HMGCLL1: variants seen among roughly 807,000 people sequenced by gnomAD.
HMGCLL1 encodes the protein 3-hydroxymethyl-3-methylglutaryl-CoA lyase, cytoplasmic.
HMGCLL1 carries 36 observed loss-of-function variants against 39.1 expected under a neutral mutation model. The observed-to-expected ratio is 0.92, with a 90% CI of 0.71 to 1.22. The LOEUF is 1.22. Among genes scored for constraint, HMGCLL1 ranks in the 50% most tolerant of loss-of-function variants. The pLI, the probability that HMGCLL1 is intolerant of heterozygous loss-of-function variation, is 0.00. For missense variants in HMGCLL1, 451 were observed against 416.5 expected, an observed-to-expected ratio of 1.08 and a Z score of -0.72; for synonymous variants, 149 against 144.0, an observed-to-expected ratio of 1.03 and a Z score of -0.25.
At chr6:55,657,870 A>G in the HMGCLL1 span, among the ~76,000 whole-genome samples, 1 of 151,898 alleles carries the variant, frequency 6.6e-6, no homozygotes, top group Non-Finnish European at 1.5e-5. Context: ...GAACACATGG[A>G]CACATAGGGG....
chr6:55,631,181 T>A, the HMGCLL1 span, among the ~76,000 whole-genome samples: 1 of 152,154 alleles, frequency 6.6e-6, no homozygotes, highest in African/African-American at 2.4e-5. Flanking sequence ...GGTTATTATG[T>A]CTTTGAATAA....
the HMGCLL1 span, among the ~76,000 whole-genome samples, chr6:55,631,595 G>A: frequency 7.9e-5 from 12 of 152,078 alleles, no homozygotes; most frequent in Admixed American, 4.6e-4. Flanking sequence ...ATTAAGCCTC[G>A]TGATCCTAAA....
chr6:55,479,396 G>C (rs1765615021), intron 7 of HMGCLL1, among the ~76,000 whole-genome samples: 1 of 151,462 alleles, frequency 6.6e-6, no homozygotes, highest in Admixed American at 6.6e-5. Flanking sequence ...ATACTATGTG[G>C]TGGGATATAT....
At chr6:55,474,308 AT>A (rs1035363188) in intron 7 of HMGCLL1, among the ~76,000 whole-genome samples, 1 of 151,406 alleles carries the variant, frequency 6.6e-6, no homozygotes, top group African/African-American at 2.4e-5. Context: ...TCTGTTATGA[AT>A]TTTTTCATTA....
intron 7 of HMGCLL1, among the ~76,000 whole-genome samples, chr6:55,472,240 C>A (rs951260988): frequency 4.0e-5 from 6 of 151,622 alleles, no homozygotes; most frequent in African/African-American, 1.5e-4. Flanking sequence ...CTCCCAACAG[C>A]AATATGTGAG....
chr6:55,650,172 G>C, the HMGCLL1 span, among the ~76,000 whole-genome samples: 1 of 126,994 alleles, frequency 7.9e-6, no homozygotes, highest in Non-Finnish European at 1.6e-5. Flanking sequence ...TCTCCAGGAT[G>C]ATTCCTGGTG....
intron 5 of HMGCLL1, among the ~76,000 whole-genome samples, chr6:55,504,451 C>A (rs1767052201): frequency 6.6e-6 from 1 of 151,512 alleles, no homozygotes; most frequent in South Asian, 2.1e-4. Flanking sequence ...TTTATTTTCC[C>A]AGTCTGCTAA....
the HMGCLL1 span, among the ~76,000 whole-genome samples, chr6:55,627,455 T>A: frequency 6.6e-6 from 1 of 152,012 alleles, no homozygotes; most frequent in South Asian, 2.1e-4. Flanking sequence ...AGATTATGTA[T>A]GATCTCAGGA....
intron 7 of HMGCLL1, among the ~76,000 whole-genome samples, chr6:55,486,934 C>A (rs992175491): frequency 6.6e-6 from 1 of 152,012 alleles, no homozygotes; most frequent in Non-Finnish European, 1.5e-5. Flanking sequence ...TTCCTCCTAC[C>A]ATGTCTTCAC....
chr6:55,666,462 C>T, the HMGCLL1 span, among the ~76,000 whole-genome samples: 5 of 151,584 alleles, frequency 3.3e-5, no homozygotes, highest in African/African-American at 1.2e-4. Flanking sequence ...TTTTCTTTCC[C>T]ACCCCTTGCC....
At chr6:55,595,511 G>T in the HMGCLL1 span, among the ~76,000 whole-genome samples, 1 of 152,140 alleles carries the variant, frequency 6.6e-6, no homozygotes. Flanking sequence ...AGGATTTATG[G>T]AATCAAGGTG....
the HMGCLL1 span, among the ~76,000 whole-genome samples, chr6:55,647,745 C>CTTTTTTTTTTTTTTTTTTTTTTTTTTTT: frequency 6.0e-5 from 7 of 115,856 alleles, no homozygotes; most frequent in Admixed American, 1.7e-4. Context: ...TTTTTTTTTC[C>CTTTTTTTTTTTTTTTTTTTTTTTTTTTT]TTTTTTTTTT....
intron 7 of HMGCLL1, among the ~76,000 whole-genome samples, chr6:55,452,064 AATATCAAGATCAAGGTGCAT>A (rs1230137150): frequency 6.6e-6 from 1 of 152,214 alleles, no homozygotes; most frequent in Non-Finnish European, 1.5e-5. Flanking sequence ...TACTGTATGT[AATATCAAGATCAAGGTGCAT>A]ATAGGCCTAT....
the HMGCLL1 span, among the ~76,000 whole-genome samples, chr6:55,614,565 C>CA: frequency 2.0e-5 from 3 of 152,122 alleles, no homozygotes; most frequent in Non-Finnish European, 2.9e-5. Context: ...TAATTCTAAT[C>CA]ACATGCACAT....
chr6:55,463,002 T>A (rs187904106), intron 7 of HMGCLL1, among the ~76,000 whole-genome samples: 5 of 151,296 alleles, frequency 3.3e-5, no homozygotes, highest in African/African-American at 9.7e-5. Context: ...GCTTTTGGTG[T>A]TGAGTCCAAT....
At chr6:55,520,528 G>C (rs1364282710) in intron 3 of HMGCLL1, among the ~76,000 whole-genome samples, 1 of 151,892 alleles carries the variant, frequency 6.6e-6, no homozygotes, top group Non-Finnish European at 1.5e-5. Flanking sequence ...AATCCTGATA[G>C]AGTATCATTT....
chr6:55,442,690 C>G (rs918791848), intron 7 of HMGCLL1, among the ~76,000 whole-genome samples: 1 of 152,160 alleles, frequency 6.6e-6, no homozygotes, highest in African/African-American at 2.4e-5. Flanking sequence ...GTCTCTATTG[C>G]TTTCTTTCCA....
the HMGCLL1 span, among the ~76,000 whole-genome samples, chr6:55,676,821 T>A: frequency 6.6e-6 from 1 of 152,242 alleles, no homozygotes; most frequent in African/African-American, 2.4e-5. Flanking sequence ...AAATGCAGTG[T>A]AGAAACAGTT....
intron 8 of HMGCLL1, 101 bp downstream of exon 8, chr6:55,439,333 A>G (rs905493474): frequency 1.7e-6 from 2 of 1,147,930 alleles, no homozygotes; most frequent in Non-Finnish European, 2.5e-6. Context: ...GCAAAAGTGT[A>G]GTAAAACTTT....
Sources: allele counts gnomAD v4.1 joint callset (sites outside exome capture counted in the v4.1 genomes callset), GRCh38; gene constraint gnomAD v4.1.1; transcripts MANE v1.5; gene names NCBI Gene and HGNC (gene_info 2026-07-23, HGNC 2026-07-21).